ZNF391: variants seen among roughly 807,000 people sequenced by gnomAD.
ZNF391 encodes the protein zinc finger protein 391.
For missense variants in ZNF391, 375 were observed against 425.5 expected (o/e 0.88, Z 1.04); for synonymous variants, 126 against 142.1 (o/e 0.89, Z 0.80).
chr6:27,385,436 A>G (rs1453200784), upstream of ZNF391, among the ~76,000 whole-genome samples: 1 of 152,206 alleles, frequency 6.6e-6, no homozygotes, highest in Admixed American at 6.5e-5. Context: ...GATTAAAAGT[A>G]AATCAATAAA....
At chr6:27,384,575 C>T (rs1414708947), upstream of ZNF391, among the ~76,000 whole-genome samples, 3 of 151,132 alleles carry the variant, frequency 2.0e-5, no homozygotes, top group Admixed American at 6.6e-5. Context: ...TTTTAATTGA[C>T]CTAAAAGTTT....
intron 1 of ZNF391, among the ~76,000 whole-genome samples, chr6:27,380,036 T>C (rs972737009): frequency 6.6e-6 from 1 of 152,204 alleles, no homozygotes; most frequent in Non-Finnish European, 1.5e-5. Context: ...CCCCTTCCCC[T>C]ATACCTTGAT....
Position 27,403,892 on chromosome 6 carries a change from A to G in ZNF391, c.*2445A>G, listed in dbSNP as rs774934883. 1 of 152,218 alleles carries G rather than the reference A, an allele frequency of 6.6e-6. No individual in the cohort carries two copies. Among genetic ancestry groups the G allele is most frequent in the Non-Finnish European group, 1.5e-5 (1 of 68,040 alleles). The allele number at this position is 152,218 out of a possible 1,614,324, so 9.4% of individuals were successfully genotyped here. On this transcript the variant is annotated 3_prime_UTR_variant, in exon 3 of 3. Transcript: ENST00000244576. ...AAATGCTCAATAAATTCTAATTGTTATGATTCTAGTGATTCACATCTGCCT... is the reference window on the plus strand; with the variant it reads ...AAATGCTCAATAAATTCTAATTGTTGTGATTCTAGTGATTCACATCTGCCT...
chr6:27,378,443 G>A (rs1199963054), intron 1 of ZNF391, among the ~76,000 whole-genome samples: 2 of 152,014 alleles, frequency 1.3e-5, no homozygotes, highest in Admixed American at 6.6e-5. Context: ...GTTCTCTGGT[G>A]AGCAGGGGTG....
In ZNF391 at chr6:27,403,543, G is replaced by C. The variant is rs1762026385; in HGVS notation, c.*2096G>C. On this transcript the variant is annotated 3_prime_UTR_variant, in exon 3 of 3. Transcript: ENST00000244576. The stretch of plus-strand genomic sequence containing the variant: ...TCACAAGTACTTTTTTACATAAGCT[G>C]TTTTGAAGTTGTAAATCATCCTAAA... 6.6e-6 allele frequency: 1 copy of C among 152,134 alleles called. No homozygotes were observed. The highest frequency in any genetic ancestry group is 2.1e-4 in the South Asian group (1 of 4,826). The allele number at this position is 152,134 out of a possible 1,614,324, so 9.4% of individuals were successfully genotyped here.
chr6:27,382,254 T>C (rs529931115), intron 1 of ZNF391, among the ~76,000 whole-genome samples: 1 of 151,916 alleles, frequency 6.6e-6, no homozygotes, highest in Admixed American at 6.6e-5. Context: ...TATAGGAGGC[T>C]GAGACAGGAG....
At position 27,401,198 on chromosome 6, in the gene ZNF391, C is replaced by G; in HGVS notation, c.828C>G (p.Pro276=). The change falls in exon 3 of 3, where the codon CCC becomes CCG. Residue 276 remains proline (P), a synonymous_variant. Coordinates refer to ENST00000244576, the MANE Select transcript of ZNF391 (RefSeq NM_001076781.3). ...EHQRTHTGEN[P]YECSECGKVF... is the part of the protein sequence containing the mutation. ...AGAGAACACACACTGGGGAGAACCC[C>G]TATGAGTGCAGTGAATGTGGGAAAG... 2 of 1,614,134 alleles carry G rather than the reference C, an allele frequency of 1.2e-6. No homozygotes were observed. The highest frequency in any genetic ancestry group is 1.7e-6 in the Non-Finnish European group (2 of 1,180,004).
intron 1 of ZNF391, among the ~76,000 whole-genome samples, chr6:27,377,554 A>G (rs1761436244): frequency 1.3e-5 from 2 of 152,194 alleles, no homozygotes; most frequent in Admixed American, 1.3e-4. Context: ...CTTACCTGTA[A>G]CCTGGAAGCT....
In ZNF391 at chr6:27,403,697, T is replaced by C. The variant is rs1762030250; in HGVS notation, c.*2250T>C. Reference sequence around the variant, plus strand: ...TTGAATGATGAGGTAACCTCATAGGTATTTTGGCCCATTTTGTTTTTCCTT... The same window carrying C: ...TTGAATGATGAGGTAACCTCATAGGCATTTTGGCCCATTTTGTTTTTCCTT... On this transcript the variant is annotated 3_prime_UTR_variant, in exon 3 of 3. Coordinates refer to ENST00000244576, the MANE Select transcript of ZNF391 (RefSeq NM_001076781.3). The C allele has an allele frequency of 6.6e-6, 1 of 152,226 alleles. No individual in the cohort carries two copies. Among genetic ancestry groups the C allele is most frequent in the Non-Finnish European group, 1.5e-5 (1 of 68,034 alleles). The allele number at this position is 152,226 out of a possible 1,614,324, so 9.4% of individuals were successfully genotyped here.
upstream of ZNF391, among the ~76,000 whole-genome samples, chr6:27,386,147 A>G (rs1761579367): frequency 6.6e-6 from 1 of 152,200 alleles, no homozygotes; most frequent in South Asian, 2.1e-4. Context: ...GGGGGAATTT[A>G]TGGCAATGAA....
At chr6:27,379,590 CAGG>C (rs1006146932) in intron 1 of ZNF391, among the ~76,000 whole-genome samples, 2 of 137,028 alleles carry the variant, frequency 1.5e-5, no homozygotes, top group African/African-American at 5.5e-5. Flanking sequence ...TAAAAAACTC[CAGG>C]AGAACCCAGT....
intron 1 of ZNF391, among the ~76,000 whole-genome samples, chr6:27,397,473 A>G (rs1581535589): frequency 6.6e-6 from 1 of 152,288 alleles, no homozygotes. Flanking sequence ...CTGGGGAGGA[A>G]TCACATTTCA....
At chr6:27,378,380 G>A (rs552837480) in intron 1 of ZNF391, among the ~76,000 whole-genome samples, 2 of 152,024 alleles carry the variant, frequency 1.3e-5, no homozygotes, top group Admixed American at 1.3e-4. Flanking sequence ...TAGGGGTGGG[G>A]CCGTTTTATA....
In ZNF391 at chr6:27,401,095, TAC is replaced by T; in HGVS notation, c.730_731del (p.Thr244TrpfsTer6). The T allele has an allele frequency of 6.2e-7, 1 of 1,614,092 alleles. No homozygotes were observed. Among genetic ancestry groups the T allele is most frequent in the Non-Finnish European group, 8.5e-7 (1 of 1,180,008 alleles). On this transcript the variant is annotated frameshift_variant, in exon 3 of 3. Transcript: ENST00000244576. LOFTEE classifies it low-confidence loss of function (END_TRUNC). ...TCAACCATAATTCAGCATCAACGAA[TAC>T]ACACTGGAGAGAATCCCTATGAATG...
rs1203429988 is a variant in ZNF391 at position 27,388,841 on chromosome 6, A to G, written c.-422A>G. The G allele has an allele frequency of 2.3e-6, 1 of 443,134 alleles. No homozygotes were observed. The highest frequency in any genetic ancestry group is 2.7e-5 in the Admixed American group (1 of 37,402). 27.5% of individuals were successfully genotyped at this position (443,134 alleles called of 1,614,324 possible). A position where few individuals can be genotyped will look rare whatever the true frequency, so the allele number is the denominator to read the frequency against. On this transcript the variant is annotated 5_prime_UTR_variant, in exon 1 of 3. Transcript: ENST00000244576. Reference sequence around the variant, plus strand: ...CTGCCCAGACAATGACTGGTCCCGCATACCGAGCAGAGCATGATCAGCAGC... The same window carrying G: ...CTGCCCAGACAATGACTGGTCCCGCGTACCGAGCAGAGCATGATCAGCAGC...
At chr6:27,380,227 G>A (rs1201446207) in intron 1 of ZNF391, among the ~76,000 whole-genome samples, 2 of 152,314 alleles carry the variant, frequency 1.3e-5, no homozygotes, top group African/African-American at 2.4e-5. Context: ...GAACGAAGCC[G>A]CGGACACTCG....
chr6:27,388,758 C>CA (rs1304491421), upstream of ZNF391: 4 of 394,936 alleles, frequency 1.0e-5, no homozygotes, highest in African/African-American at 2.1e-5. Flanking sequence ...TGCTCAGTCT[C>CA]AGTGTGGTCT....
rs554992921 is a variant in ZNF391 at position 27,401,592 on chromosome 6, TTCCA to T, written c.*152_*155del. On this transcript the variant is annotated 3_prime_UTR_variant, in exon 3 of 3. Coordinates refer to ENST00000244576, the MANE Select transcript of ZNF391 (RefSeq NM_001076781.3). ...CCCGTTTTAAGCTTTCATTCGTTCT[TTCCA>T]TCCATCTATCCTTCTTTCGTCTCCC... The T allele has an allele frequency of 1.2e-4, 67 of 557,802 alleles. 1 individual carries two copies. In the South Asian group the frequency reaches 2.5e-3, roughly 21 times the overall value. The allele number at this position is 557,802 out of a possible 1,614,324, so 34.6% of individuals were successfully genotyped here.
intron 1 of ZNF391, among the ~76,000 whole-genome samples, chr6:27,377,275 A>G (rs920191912): frequency 6.6e-6 from 1 of 152,254 alleles, no homozygotes; most frequent in African/African-American, 2.4e-5. Context: ...GAAACAACAG[A>G]GGAGACAATT....
Sources: gnomAD v4.1 joint callset for allele counts (sites outside exome capture counted in the v4.1 genomes callset) on GRCh38, gnomAD v4.1.1 for gene constraint, MANE v1.5 for transcripts, NCBI Gene and HGNC (gene_info 2026-07-23, HGNC 2026-07-21) for gene names.